Variants in COBL observed in about 807,000 individuals in gnomAD.
COBL encodes the protein cordon-bleu WH2 repeat protein, also known as protein cordon-bleu.
COBL carries 51 observed loss-of-function variants against 98.8 expected under a neutral mutation model. The observed-to-expected ratio is 0.52, with a 90% CI of 0.41 to 0.65. The LOEUF is 0.65. Ranked by LOEUF, COBL falls within the 30% of genes least tolerant of loss-of-function variation. COBL has a pLI of 0.00. For synonymous variants in COBL, 634 were observed against 651.7 expected, an observed-to-expected ratio of 0.97 and a Z score of 0.41; for missense variants, 1,617 against 1,617.5, an observed-to-expected ratio of 1.00 and a Z score of 0.01.
At position 51,316,494 on chromosome 7, in the gene COBL, G is replaced by A. The variant is rs1803611243; in HGVS notation, c.41+99C>T. 1.1e-5 allele frequency: 10 copies of A among 897,464 alleles called. No individual in the cohort carries two copies. In the East Asian group the frequency reaches 3.5e-4, roughly 31 times the overall value. 55.6% of individuals were successfully genotyped at this position (897,464 alleles called of 1,614,324 possible). On this transcript the variant is annotated intron_variant, in intron 1 of 12. Coordinates refer to ENST00000265136, the MANE Select transcript of COBL (RefSeq NM_015198.5). The stretch of plus-strand genomic sequence containing the variant: ...ACTACCACCAGCACCCGCTGGGGCG[G>A]CAGAGAGGGCGCCCTGCCCGGGAGC...
Position 51,168,684 on chromosome 7 carries a change from A to G in COBL, c.783+15418T>C, listed in dbSNP as rs555724792. Among the ~76,000 whole-genome samples the G allele has an allele frequency of 1.1e-4, 16 of 152,310 alleles. No homozygotes were observed. In the East Asian group the frequency reaches 2.5e-3, roughly 24 times the overall value. ...ACTGTTGGTGAGAATGTAAATTGGC[A>G]TAACTATTATGGAGAACTGTTTGGT... On this transcript the variant is annotated intron_variant, in intron 5 of 12. Transcript: ENST00000265136.
intron 8 of COBL, among the ~76,000 whole-genome samples, chr7:51,040,888 G>A (rs541051540): frequency 2.8e-4 from 42 of 152,298 alleles, no homozygotes; most frequent in Middle Eastern, 3.4e-3. Flanking sequence ...TTACATCAAC[G>A]GTCAGCACCA....
At chr7:51,182,375 G>T (rs903873800) in intron 5 of COBL, among the ~76,000 whole-genome samples, 1 of 151,634 alleles carries the variant, frequency 6.6e-6, no homozygotes, top group African/African-American at 2.4e-5. Flanking sequence ...TCTGCCTCCC[G>T]GATTCAAGCG....
At chr7:51,073,319 G>A (rs752587605) in intron 7 of COBL, 12 of 692,246 alleles carry the variant, frequency 1.7e-5, no homozygotes, top group South Asian at 1.2e-4. Flanking sequence ...GGAAAGGTCC[G>A]AGGTCAGGAA....
At chr7:51,264,586 G>T (rs549133517) in intron 1 of COBL, among the ~76,000 whole-genome samples, 1 of 146,794 alleles carries the variant, frequency 6.8e-6, no homozygotes, top group African/African-American at 2.5e-5. Flanking sequence ...AAGGAGAATC[G>T]CTTGAACCCG....
intron 12 of COBL, 78 bp from the exon 13 acceptor site, chr7:51,017,646 T>G: frequency 2.8e-6 from 4 of 1,420,100 alleles, no homozygotes; most frequent in Non-Finnish European, 3.0e-6. Context: ...TAGAGAGCTC[T>G]GTGCACAGCC....
At position 51,214,711 on chromosome 7, in the gene COBL, G is replaced by A. The variant is rs569070840; in HGVS notation, c.245+5030C>T. Among the ~76,000 whole-genome samples the A allele has an allele frequency of 2.0e-5, 3 of 152,194 alleles. No homozygotes were observed. The South Asian group carries it at 6.2e-4, about 32-fold the overall frequency. On this transcript the variant is annotated intron_variant, in intron 2 of 12. Transcript: ENST00000265136. ...ACCCTTAAAATCATCTGTTAGTGTT[G>A]GGCTTAAAAATGCATGTCAATTTTG...
chr7:51,220,374 G>A (rs1378373251), intron 1 of COBL, among the ~76,000 whole-genome samples: 1 of 152,156 alleles, frequency 6.6e-6, no homozygotes, highest in Non-Finnish European at 1.5e-5. Flanking sequence ...TCTATGGCCA[G>A]TTCTGAGGAT....
At chr7:51,229,502 T>C (rs185077197) in intron 1 of COBL, among the ~76,000 whole-genome samples, 25 of 152,312 alleles carry the variant, frequency 1.6e-4, no homozygotes, top group Admixed American at 7.8e-4. Context: ...ACCACCTTCT[T>C]GGAGTTTTCC....
intron 2 of COBL, among the ~76,000 whole-genome samples, chr7:51,202,991 C>T (rs577424850): frequency 1.7e-4 from 26 of 151,478 alleles, no homozygotes; most frequent in Admixed American, 3.9e-4. Context: ...CAGTGATCCG[C>T]GATCGCACCA....
At chr7:51,060,987 G>A (rs1791294861) in intron 7 of COBL, among the ~76,000 whole-genome samples, 1 of 152,136 alleles carries the variant, frequency 6.6e-6, no homozygotes, top group Non-Finnish European at 1.5e-5. Context: ...TGCGATGAAG[G>A]TCAATGAAAA....
intron 1 of COBL, among the ~76,000 whole-genome samples, chr7:51,314,878 G>A (rs1480807308): frequency 6.6e-6 from 1 of 152,194 alleles, no homozygotes; most frequent in Non-Finnish European, 1.5e-5. Context: ...GCCCTGAGAA[G>A]GCCAGCCCTC....
At chr7:51,070,485 A>G (rs1479838088) in intron 7 of COBL, among the ~76,000 whole-genome samples, 1 of 151,792 alleles carries the variant, frequency 6.6e-6, no homozygotes, top group Non-Finnish European at 1.5e-5. Context: ...CTGGGTCTGG[A>G]TAATCTGTAA....
At chr7:51,057,630 A>G (rs1790896508) in intron 7 of COBL, among the ~76,000 whole-genome samples, 1 of 152,174 alleles carries the variant, frequency 6.6e-6, no homozygotes, top group African/African-American at 2.4e-5. Context: ...ATCCAAAGTC[A>G]ACAGACTACA....
At position 51,025,168 on chromosome 7, in the gene COBL, C is replaced by T. The variant is rs374766330; in HGVS notation, c.3709G>A (p.Ala1237Thr). Residue 1237 changes from alanine to threonine, a missense_variant, in exon 12 of 13, where the codon GCA becomes ACA. By Grantham distance (58) the Ala-to-Thr change is moderately conservative. This residue lies in a region of COBL where 1,304 missense variants were observed against 1,282.0 expected (regional missense o/e 1.02). Coordinates refer to ENST00000265136, the MANE Select transcript of COBL (RefSeq NM_015198.5). ...STGTLSNTAD[A>T]RQALMDAIRS... ...ATGGCGTCCATCAAGGCTTGCCTTG[C>T]GTCTGCGGTGTTGCTGAGGGTGCCC... 20 of 1,544,994 alleles carry T rather than the reference C, an allele frequency of 1.3e-5. No individual in the cohort carries two copies. The highest frequency in any genetic ancestry group is 6.9e-5 in the Admixed American group (4 of 57,586).
Position 51,029,515 on chromosome 7 carries a change from C to T in COBL, c.1581G>A (p.Gln527=). ...SIHGASNHCP[Q]DAMIPHGDTD... ...TGTCGCCGTGAGGGATCATGGCATC[C>T]TGTGGGCAGTGGTTGGATGCACCAT... Residue 527 remains glutamine (Q), a synonymous_variant, in exon 10 of 13, where the codon CAG becomes CAA. Transcript: ENST00000265136. 1 of 1,614,050 alleles carries T rather than the reference C, an allele frequency of 6.2e-7. No individual in the cohort carries two copies. The highest frequency in any genetic ancestry group is 1.7e-5 in the Admixed American group (1 of 60,024).
At chr7:51,235,037 A>AG (rs1413747115) in intron 1 of COBL, among the ~76,000 whole-genome samples, 1 of 152,140 alleles carries the variant, frequency 6.6e-6, no homozygotes, top group Admixed American at 6.5e-5. Context: ...GGGGGTCCTG[A>AG]GGGACAGTCT....
At chr7:51,292,516 T>C (rs931565894) in intron 1 of COBL, among the ~76,000 whole-genome samples, 13 of 152,262 alleles carry the variant, frequency 8.5e-5, no homozygotes, top group Admixed American at 8.5e-4. Context: ...GCCCCTTTAT[T>C]TCCTGAAGCC....
At chr7:51,255,846 C>T (rs1363394222) in intron 1 of COBL, among the ~76,000 whole-genome samples, 1 of 152,158 alleles carries the variant, frequency 6.6e-6, no homozygotes, top group Non-Finnish European at 1.5e-5. Context: ...CCTGATGCGG[C>T]CACTCAGCTG....
Sources: gnomAD v4.1 joint callset for allele counts (sites outside exome capture counted in the v4.1 genomes callset) on GRCh38, gnomAD v4.1.1 for gene constraint, gnomAD v4.1.1 regional missense constraint, MANE v1.5 for transcripts, NCBI Gene and HGNC (gene_info 2026-07-23, HGNC 2026-07-21) for gene names.